The following C12orf42 variants were observed in gnomAD, a reference collection of about 807,000 sequenced individuals.
C12orf42 encodes uncharacterized protein C12orf42.
Under a neutral mutation model 21.6 loss-of-function variants are expected in C12orf42, and 25 were observed. The ratio of observed to expected loss-of-function variants is 1.16; its 90% CI spans 0.84 to 1.62. C12orf42 has a LOEUF of 1.62. Ranked by LOEUF, C12orf42 falls within the 40% of genes most tolerant of loss-of-function variation. The probability of loss-of-function intolerance (pLI) is 0.00; values close to 1 mark genes in which losing one functional copy is unlikely to be tolerated. For synonymous variants in C12orf42, 174 were observed against 175.0 expected (o/e 0.99, Z 0.05); for missense variants, 483 against 459.3 (o/e 1.05, Z -0.47).
At chr12:103,547,701 T>A in the C12orf42 span, 1 of 152,220 alleles carries the variant, frequency 6.6e-6, no homozygotes, top group Non-Finnish European at 1.5e-5. Flanking sequence ...TTGTAAAAGG[T>A]ACCACATTCC....
the C12orf42 span, among the ~76,000 whole-genome samples, chr12:103,531,046 G>A: frequency 6.6e-6 from 1 of 152,080 alleles, no homozygotes; most frequent in Non-Finnish European, 1.5e-5. Context: ...ACAATTCCAG[G>A]GGACATATTT....
intron 2 of C12orf42, among the ~76,000 whole-genome samples, chr12:103,457,446 A>G (rs1265122783): frequency 6.6e-6 from 1 of 152,162 alleles, no homozygotes; most frequent in Non-Finnish European, 1.5e-5. Context: ...AGAAAAGATG[A>G]AGCTAATAAT....
At chr12:103,167,515 A>G in the C12orf42 span, among the ~76,000 whole-genome samples, 3 of 152,078 alleles carry the variant, frequency 2.0e-5, no homozygotes, top group African/African-American at 7.2e-5. Context: ...ATGAATTCCT[A>G]TCTCTTAACA....
intron 2 of C12orf42, among the ~76,000 whole-genome samples, chr12:103,437,346 T>TA (rs1303565117): frequency 6.6e-6 from 1 of 151,802 alleles, no homozygotes; most frequent in East Asian, 1.9e-4. Flanking sequence ...TTAAAAGAAC[T>TA]AAAAAAGCAA....
the C12orf42 span, among the ~76,000 whole-genome samples, chr12:103,048,451 C>T: frequency 2.6e-5 from 4 of 152,096 alleles, no homozygotes; most frequent in Non-Finnish European, 4.4e-5. Flanking sequence ...ACCCCATCCA[C>T]GCATGCACAT....
chr12:103,142,276 T>C, the C12orf42 span, among the ~76,000 whole-genome samples: 1 of 152,216 alleles, frequency 6.6e-6, no homozygotes, highest in Non-Finnish European at 1.5e-5. Flanking sequence ...GATTTTACTG[T>C]CACTTTCTTC....
intron 2 of C12orf42, among the ~76,000 whole-genome samples, chr12:103,414,298 T>A (rs1170630337): frequency 2.0e-5 from 3 of 152,144 alleles, no homozygotes; most frequent in Admixed American, 2.0e-4. Flanking sequence ...GAGAACTGTC[T>A]ATTTATGTCC....
chr12:103,316,498 C>T (rs1429079376), intron 4 of C12orf42, among the ~76,000 whole-genome samples: 4 of 151,916 alleles, frequency 2.6e-5, no homozygotes, highest in Non-Finnish European at 4.4e-5. Context: ...AACTCATCTA[C>T]ATAAAAAAGA....
chr12:103,422,042 T>C (rs2049962413), intron 2 of C12orf42, among the ~76,000 whole-genome samples: 2 of 152,184 alleles, frequency 1.3e-5, no homozygotes, highest in Admixed American at 1.3e-4. Context: ...GAGTCAGTAT[T>C]GAATTATTAA....
chr12:103,352,811 A>G (rs780439674), intron 4 of C12orf42, among the ~76,000 whole-genome samples: 158 of 152,150 alleles, frequency 1.0e-3, no homozygotes, highest in African/African-American at 3.7e-3. Context: ...ATGCCATAGG[A>G]TTTTTTATGA....
downstream of C12orf42, among the ~76,000 whole-genome samples, chr12:103,233,304 T>C (rs2033362874): frequency 6.6e-6 from 1 of 152,180 alleles, no homozygotes; most frequent in Admixed American, 6.5e-5. Context: ...CGGGCTATTT[T>C]GCGTTTTTTG....
chr12:103,227,768 A>G, the C12orf42 span, among the ~76,000 whole-genome samples: 1 of 152,298 alleles, frequency 6.6e-6, no homozygotes, highest in East Asian at 1.9e-4. Flanking sequence ...ACACCAAGGG[A>G]AGCCTGCCTT....
the C12orf42 span, among the ~76,000 whole-genome samples, chr12:103,066,514 T>C: frequency 6.6e-6 from 1 of 152,134 alleles, no homozygotes; most frequent in Non-Finnish European, 1.5e-5. Context: ...GCAGGCACCA[T>C]TCAAAAGCAG....
At chr12:103,401,396 A>C (rs1022831220) in intron 3 of C12orf42, among the ~76,000 whole-genome samples, 1 of 152,162 alleles carries the variant, frequency 6.6e-6, no homozygotes, top group Non-Finnish European at 1.5e-5. Flanking sequence ...TCTGCGTGCA[A>C]AGAATAAGGA....
At chr12:103,351,661 C>A (rs992608468) in intron 4 of C12orf42, among the ~76,000 whole-genome samples, 1 of 151,976 alleles carries the variant, frequency 6.6e-6, no homozygotes, top group African/African-American at 2.4e-5. Context: ...AAGAAGAAGT[C>A]GGGTAGAACA....
At chr12:103,451,965 C>T (rs1454147274) in intron 2 of C12orf42, among the ~76,000 whole-genome samples, 1 of 151,964 alleles carries the variant, frequency 6.6e-6, no homozygotes, top group Non-Finnish European at 1.5e-5. Flanking sequence ...GGCTATGTAA[C>T]AAACCACCCT....
intron 2 of C12orf42, among the ~76,000 whole-genome samples, chr12:103,437,303 G>A (rs1950805493): frequency 6.6e-6 from 1 of 152,040 alleles, no homozygotes; most frequent in African/African-American, 2.4e-5. Context: ...GAGAAAGCAG[G>A]AAAGATCCAA....
chr12:103,322,607 CT>C (rs984311784), intron 4 of C12orf42, among the ~76,000 whole-genome samples: 5 of 152,222 alleles, frequency 3.3e-5, no homozygotes, highest in Admixed American at 6.5e-5. Flanking sequence ...AGCCACTTCC[CT>C]TTTTGGCCAG....
At chr12:103,483,105 C>T (rs756171905) in intron 1 of C12orf42, among the ~76,000 whole-genome samples, 2 of 152,044 alleles carry the variant, frequency 1.3e-5, no homozygotes, top group African/African-American at 2.4e-5. Flanking sequence ...CTCAGACTAC[C>T]TCTTTGCTTG....
Sources: allele counts gnomAD v4.1 joint callset (sites outside exome capture counted in the v4.1 genomes callset), GRCh38; gene constraint gnomAD v4.1.1; transcripts MANE v1.5; gene names NCBI Gene and HGNC (gene_info 2026-07-23, HGNC 2026-07-21).